CELF4: variants seen among roughly 807,000 people sequenced by gnomAD.
The protein encoded by CELF4 is CUG-BP- and ETR-3-like factor 4.
A neutral mutation model predicts 59.9 loss-of-function variants in CELF4; 18 were observed. The observed-to-expected ratio is 0.30, with a 90% CI of 0.21 to 0.45. The LOEUF is 0.45. Among genes scored for constraint, CELF4 ranks in the 20% least tolerant of loss-of-function variants. CELF4 has a pLI of 1.00. For synonymous variants in CELF4, 261 were observed against 267.1 expected, an observed-to-expected ratio of 0.98 and a Z score of 0.22; for missense variants, 456 against 689.0, an observed-to-expected ratio of 0.66 and a Z score of 3.79.
At chr18:37,257,443 C>T (rs1284297748) in intron 11 of CELF4, among the ~76,000 whole-genome samples, 1 of 152,114 alleles carries the variant, frequency 6.6e-6, no homozygotes, top group Non-Finnish European at 1.5e-5. Context: ...TTTGTTTTTC[C>T]ACACCCAGAG....
At chr18:37,503,720 T>C (rs1367301799) in intron 1 of CELF4, among the ~76,000 whole-genome samples, 1 of 152,216 alleles carries the variant, frequency 6.6e-6, no homozygotes, top group Non-Finnish European at 1.5e-5. Context: ...TTCCATCAAA[T>C]GGGCATGCTG....
chr18:37,466,582 A>C (rs1028985114), intron 2 of CELF4, among the ~76,000 whole-genome samples: 1 of 152,208 alleles, frequency 6.6e-6, no homozygotes, highest in African/African-American at 2.4e-5. Flanking sequence ...TCATGTACCC[A>C]TGCAGCCACC....
chr18:37,415,454 T>C (rs1178961770), intron 2 of CELF4, among the ~76,000 whole-genome samples: 1 of 152,220 alleles, frequency 6.6e-6, no homozygotes, highest in Non-Finnish European at 1.5e-5. Flanking sequence ...GGTTGAGTAC[T>C]GGCTCAAAGT....
chr18:37,443,062 C>T lies in CELF4; in HGVS notation c.369+42463G>A, dbSNP rs141461842. Among the ~76,000 whole-genome samples the T allele has an allele frequency of 9.9e-5, 15 of 152,256 alleles. No homozygotes were observed. In the East Asian group the frequency reaches 2.9e-3, roughly 30 times the overall value. ...AACAAGGGGCAACTTGTTTCCAGTG[C>T]GTAGCTTTTGTCTTCCCAAATGGGA... On this transcript the variant is annotated intron_variant, in intron 2 of 12. Transcript: ENST00000420428.
chr18:37,470,887 T>A (rs200338061), intron 2 of CELF4, among the ~76,000 whole-genome samples: 15,049 of 67,468 alleles, frequency 0.22, 1,081 homozygotes, highest in East Asian at 0.29. Flanking sequence ...TGTGTGTGTG[T>A]GACAGAGAGA....
intron 1 of CELF4, among the ~76,000 whole-genome samples, chr18:37,516,806 G>A (rs1298740481): frequency 1.3e-5 from 2 of 152,190 alleles, no homozygotes; most frequent in Admixed American, 6.5e-5. Flanking sequence ...CAGCTGGCAT[G>A]GGGCGCTGGC....
intron 1 of CELF4, among the ~76,000 whole-genome samples, chr18:37,547,452 C>G (rs533916508): frequency 1.3e-5 from 2 of 152,306 alleles, no homozygotes; most frequent in Non-Finnish European, 1.5e-5. Flanking sequence ...TCACAGGCCT[C>G]CCCTTACCTA....
At chr18:37,296,655 T>G (rs2095660617) in intron 3 of CELF4, among the ~76,000 whole-genome samples, 1 of 152,194 alleles carries the variant, frequency 6.6e-6, no homozygotes, top group Non-Finnish European at 1.5e-5. Context: ...GGCATCCTGG[T>G]TTGGCTCTGT....
chr18:37,391,516 T>A (rs2099161477), intron 2 of CELF4, among the ~76,000 whole-genome samples: 1 of 152,190 alleles, frequency 6.6e-6, no homozygotes. Flanking sequence ...AGTGGTCCTG[T>A]CTTCCGGGCT....
In CELF4 at chr18:37,445,504, G is replaced by A. The variant is rs147843210; in HGVS notation, c.369+40021C>T. ...GTGTGTGACTCAGAGTTGTCACCTC[G>A]TGGGGTAGTGCTGCCGCCAGACAGC... On this transcript the variant is annotated intron_variant, in intron 2 of 12. Coordinates refer to ENST00000420428, the MANE Select transcript of CELF4 (RefSeq NM_020180.4). 6.9e-3 allele frequency among the ~76,000 whole-genome samples: 1,044 copies of A among 152,056 alleles called. 8 individuals carry two copies. Among genetic ancestry groups the A allele is most frequent in the African/African-American group, 0.024 (987 of 41,454 alleles).
intron 1 of CELF4, among the ~76,000 whole-genome samples, chr18:37,492,188 G>A (rs1199426109): frequency 6.6e-6 from 1 of 152,142 alleles, no homozygotes; most frequent in East Asian, 1.9e-4. Context: ...GTGGGAGAAA[G>A]CTGGGCGGTG....
intron 1 of CELF4, among the ~76,000 whole-genome samples, chr18:37,521,642 C>T (rs2099957552): frequency 6.6e-6 from 1 of 152,206 alleles, no homozygotes; most frequent in Admixed American, 6.5e-5. Flanking sequence ...ATCACAGATG[C>T]ACCACGGCCC....
At chr18:37,266,421 C>T in intron 9 of CELF4, 112 bp downstream of exon 9, 2 of 1,108,628 alleles carry the variant, frequency 1.8e-6, no homozygotes, top group East Asian at 5.1e-5. Context: ...TTTCCACTCT[C>T]TCTCCCCACC....
In CELF4 at chr18:37,243,433, G is replaced by A. The variant is rs2154235407; in HGVS notation, c.*1809C>T. Reference sequence around the variant, plus strand: ...ATGCCAAAGCAATCTTCCCAAGGGTGCAAATAAATTATAATAAATATGTTA... The same window carrying A: ...ATGCCAAAGCAATCTTCCCAAGGGTACAAATAAATTATAATAAATATGTTA... On this transcript the variant is annotated 3_prime_UTR_variant, in exon 13 of 13. Coordinates refer to ENST00000420428, the MANE Select transcript of CELF4 (RefSeq NM_020180.4). 6.6e-6 allele frequency: 1 copy of A among 152,166 alleles called. No homozygotes were observed. Among genetic ancestry groups the A allele is most frequent in the East Asian group, 1.9e-4 (1 of 5,190 alleles). The allele number at this position is 152,166 out of a possible 1,614,324, so 9.4% of individuals were successfully genotyped here.
chr18:37,272,964 G>T, intron 7 of CELF4, 52 bp downstream of exon 7: 1 of 1,544,866 alleles, frequency 6.5e-7, no homozygotes. Flanking sequence ...CCAGCCTGGG[G>T]CCAGCTGTTC....
intron 3 of CELF4, among the ~76,000 whole-genome samples, chr18:37,302,560 C>T (rs902091553): frequency 2.8e-4 from 42 of 152,094 alleles, no homozygotes; most frequent in East Asian, 1.9e-4. Flanking sequence ...CATCTGAAGA[C>T]GCTGGGATGA....
At chr18:37,396,482 A>C (rs2099246830) in intron 2 of CELF4, among the ~76,000 whole-genome samples, 1 of 152,208 alleles carries the variant, frequency 6.6e-6, no homozygotes, top group Admixed American at 6.5e-5. Flanking sequence ...ACAGAAACAA[A>C]TAAAAGACCA....
At chr18:37,479,423 C>T (rs1348412134) in intron 2 of CELF4, among the ~76,000 whole-genome samples, 1 of 152,182 alleles carries the variant, frequency 6.6e-6, no homozygotes, top group Non-Finnish European at 1.5e-5. Context: ...TGGGACTGTC[C>T]TGTACATTGT....
chr18:37,488,471 G>A (rs1027191410), intron 1 of CELF4, among the ~76,000 whole-genome samples: 50 of 152,296 alleles, frequency 3.3e-4, no homozygotes, highest in African/African-American at 1.1e-3. Flanking sequence ...CACAGAAATG[G>A]TGCTCAGAGG....
Sources: gnomAD v4.1 joint callset for allele counts (sites outside exome capture counted in the v4.1 genomes callset) on GRCh38, gnomAD v4.1.1 for gene constraint, MANE v1.5 for transcripts, NCBI Gene and HGNC (gene_info 2026-07-23, HGNC 2026-07-21) for gene names.